Variants in EPSTI1 observed in about 807,000 individuals in gnomAD.
EPSTI1 encodes epithelial-stromal interaction protein 1.
In EPSTI1, 66 loss-of-function variants were observed where a neutral mutation model predicts 49.9. The ratio of observed to expected loss-of-function variants is 1.32; its 90% CI spans 1.08 to 1.62. EPSTI1 has a LOEUF of 1.62. Among genes scored for constraint, EPSTI1 ranks in the 40% most tolerant of loss-of-function variants. The pLI, the probability that EPSTI1 is intolerant of heterozygous loss-of-function variation, is 0.00. For synonymous variants in EPSTI1, 137 were observed against 130.7 expected (o/e 1.05, Z -0.33); for missense variants, 394 against 365.5 (o/e 1.08, Z -0.64).
intron 6 of EPSTI1, among the ~76,000 whole-genome samples, chr13:42,937,923 G>A (rs760634773): frequency 3.3e-5 from 5 of 152,080 alleles, no homozygotes; most frequent in Non-Finnish European, 7.4e-5. Flanking sequence ...ACCATCTATA[G>A]CCTTTAAAAA....
intron 5 of EPSTI1, among the ~76,000 whole-genome samples, chr13:42,958,007 A>G (rs2039326634): frequency 6.6e-6 from 1 of 152,252 alleles, no homozygotes; most frequent in Admixed American, 6.5e-5. Context: ...CCTGGGCTCA[A>G]GCAATCTTTC....
intron 6 of EPSTI1, among the ~76,000 whole-genome samples, chr13:42,932,651 T>C (rs1051436018): frequency 2.0e-5 from 3 of 151,616 alleles, no homozygotes; most frequent in African/African-American, 7.3e-5. Context: ...TTGGCAAGAT[T>C]AATTTACATA....
intron 3 of EPSTI1, among the ~76,000 whole-genome samples, chr13:42,965,405 T>G (rs570339392): frequency 6.6e-6 from 1 of 152,252 alleles, no homozygotes; most frequent in African/African-American, 2.4e-5. Context: ...CTGCTCATTT[T>G]CTGCTAAGGC....
chr13:42,910,317 A>G (rs115625629), intron 8 of EPSTI1, among the ~76,000 whole-genome samples: 5,828 of 142,434 alleles, frequency 0.041, 412 homozygotes, highest in African/African-American at 0.14. Context: ...GGTAGGGTGC[A>G]ATGGTGCAGT....
rs2039515166 is a variant in EPSTI1, at chr13:42,963,353, A to T, written c.406-15T>A. On this transcript the variant is annotated splice_polypyrimidine_tract_variant and intron_variant, in intron 4 of 10. Coordinates refer to ENST00000313624, the MANE Select transcript of EPSTI1 (RefSeq NM_033255.5). ...TCTCTTTTTAGCTAAATTGTATTGA[A>T]ATTACAGAGAACAAAAACAGTTACC... is the stretch of plus-strand genomic sequence containing the variant. 3 of 1,587,108 alleles carry T rather than the reference A, an allele frequency of 1.9e-6. No individual in the cohort carries two copies. The highest frequency in any genetic ancestry group is 2.6e-6 in the Non-Finnish European group (3 of 1,163,012).
At chr13:42,923,411 G>C (rs548704243) in intron 7 of EPSTI1, among the ~76,000 whole-genome samples, 1 of 152,196 alleles carries the variant, frequency 6.6e-6, no homozygotes, top group Non-Finnish European at 1.5e-5. Context: ...AACTACAAAA[G>C]TTAGCTGGGC....
chr13:42,910,751 A>G (rs898876698), intron 8 of EPSTI1, among the ~76,000 whole-genome samples: 5 of 152,056 alleles, frequency 3.3e-5, no homozygotes, highest in African/African-American at 9.7e-5. Flanking sequence ...ATTTTTTTTT[A>G]GTTAAAAAAA....
chr13:42,886,981 A>G lies in EPSTI1; in HGVS notation c.*1513T>C, dbSNP rs1331024636. ...AGGCACACCAAGCATAGACGCAAAA[A>G]TCGGAACACAACTGTAAGGTAGCCA... On this transcript the variant is annotated 3_prime_UTR_variant, in exon 11 of 11. Transcript: ENST00000313624. The G allele has an allele frequency of 7.9e-6, 1 of 126,824 alleles. No homozygotes were observed. Among genetic ancestry groups the G allele is most frequent in the Non-Finnish European group, 1.7e-5 (1 of 59,866 alleles). The allele number at this position is 126,824 out of a possible 1,614,324, so 7.9% of individuals were successfully genotyped here.
intron 6 of EPSTI1, among the ~76,000 whole-genome samples, chr13:42,936,905 C>A (rs1279121928): frequency 6.6e-6 from 1 of 152,198 alleles, no homozygotes; most frequent in Non-Finnish European, 1.5e-5. Flanking sequence ...CATGGCATCA[C>A]TACACCTCCA....
chr13:42,963,826 G>GA (rs1412520542), intron 4 of EPSTI1, among the ~76,000 whole-genome samples: 2 of 152,070 alleles, frequency 1.3e-5, no homozygotes, highest in Non-Finnish European at 1.5e-5. Context: ...TAACTTAAAT[G>GA]AAAAAAATAA....
chr13:42,963,204 G>A (rs1268800667), intron 5 of EPSTI1, 51 bp downstream of exon 5: 9 of 1,446,496 alleles, frequency 6.2e-6, no homozygotes, highest in Admixed American at 1.8e-5. Flanking sequence ...CTTCTACAAC[G>A]AAACTATAAT....
intron 8 of EPSTI1, among the ~76,000 whole-genome samples, chr13:42,906,957 C>G (rs908153049): frequency 6.6e-5 from 10 of 152,168 alleles, no homozygotes; most frequent in African/African-American, 2.2e-4. Context: ...TGTCCATGAT[C>G]TCATGCATTT....
intron 1 of EPSTI1, among the ~76,000 whole-genome samples, chr13:42,982,556 A>C (rs1349888488): frequency 6.6e-6 from 1 of 152,192 alleles, no homozygotes. Flanking sequence ...ACCCCTTGCC[A>C]GTAACACTAA....
intron 1 of EPSTI1, among the ~76,000 whole-genome samples, chr13:42,986,857 C>T (rs1240674077): frequency 6.6e-6 from 1 of 151,324 alleles, no homozygotes; most frequent in African/African-American, 2.4e-5. Flanking sequence ...TCAATTATGC[C>T]TAGGTAATAA....
chr13:42,976,453 C>T (rs1332815870), intron 1 of EPSTI1, among the ~76,000 whole-genome samples: 1 of 152,176 alleles, frequency 6.6e-6, no homozygotes, highest in Non-Finnish European at 1.5e-5. Context: ...TAGGGGGACT[C>T]TCTTTTCCAG....
At chr13:42,950,438 G>C (rs2039059888) in intron 6 of EPSTI1, among the ~76,000 whole-genome samples, 1 of 152,188 alleles carries the variant, frequency 6.6e-6, no homozygotes, top group South Asian at 2.1e-4. Context: ...ATTACACTCA[G>C]GAGAGTCCCT....
At chr13:42,991,717 C>T (rs980742083) in intron 1 of EPSTI1, among the ~76,000 whole-genome samples, 1 of 152,234 alleles carries the variant, frequency 6.6e-6, no homozygotes, top group Non-Finnish European at 1.5e-5. Context: ...ATCTTTCAAT[C>T]CTGTAGCCAG....
chr13:42,939,397 T>C (rs2038678212), intron 6 of EPSTI1, among the ~76,000 whole-genome samples: 2 of 151,150 alleles, frequency 1.3e-5, no homozygotes, highest in Non-Finnish European at 3.0e-5. Context: ...CGCACAGAGC[T>C]TAGTCATTTT....
intron 6 of EPSTI1, among the ~76,000 whole-genome samples, chr13:42,949,701 A>G (rs1469593128): frequency 6.6e-6 from 1 of 152,056 alleles, no homozygotes; most frequent in Non-Finnish European, 1.5e-5. Context: ...GCCAATTCTT[A>G]TATCTCGAGA....
Sources: allele counts gnomAD v4.1 joint callset (sites outside exome capture counted in the v4.1 genomes callset), GRCh38; gene constraint gnomAD v4.1.1; transcripts MANE v1.5; gene names NCBI Gene and HGNC (gene_info 2026-07-23, HGNC 2026-07-21).